DVL3: variants seen among roughly 807,000 people sequenced by gnomAD.
DVL3 encodes segment polarity protein dishevelled homolog DVL-3.
Under a neutral mutation model 67.4 loss-of-function variants are expected in DVL3, and 27 were observed. The ratio of observed to expected loss-of-function variants is 0.40; its 90% CI spans 0.30 to 0.55. DVL3 has a LOEUF of 0.55. Ranked by LOEUF, DVL3 falls within the 20% of genes least tolerant of loss-of-function variation. The pLI is 0.46. For missense variants in DVL3, 819 were observed against 1,021.5 expected (o/e 0.80, Z 2.70); for synonymous variants, 369 against 396.8 (o/e 0.93, Z 0.83).
Position 184,172,442 on chromosome 3 carries a change from A to G in DVL3, c.*1687A>G, listed in dbSNP as rs1714876954. The stretch of plus-strand genomic sequence containing the variant: ...ATTTTGGCATTTATTTCAATTAACA[A>G]TACTTCCTTGGACGGGTGCGGTGGC... On this transcript the variant is annotated 3_prime_UTR_variant, in exon 15 of 15. Transcript: ENST00000313143. 6.6e-6 allele frequency: 1 copy of G among 152,162 alleles called. No individual in the cohort carries two copies. The highest frequency in any genetic ancestry group is 1.5e-5 in the Non-Finnish European group (1 of 68,048). 9.4% of individuals were successfully genotyped at this position (152,162 alleles called of 1,614,324 possible).
intron 1 of DVL3, among the ~76,000 whole-genome samples, chr3:184,162,179 ATT>A (rs34375222): frequency 4.2e-5 from 6 of 144,004 alleles, no homozygotes; most frequent in Admixed American, 7.0e-5. Flanking sequence ...AATGACAGCA[ATT>A]TTTTTTTTTT....
At chr3:184,159,918 A>T (rs1404653399) in intron 1 of DVL3, among the ~76,000 whole-genome samples, 4 of 151,400 alleles carry the variant, frequency 2.6e-5, no homozygotes, top group African/African-American at 9.7e-5. Context: ...TTTTATTTTT[A>T]TTTTTTTATT....
intron 13 of DVL3, among the ~76,000 whole-genome samples, chr3:184,169,607 A>G (rs1204121292): frequency 1.3e-5 from 2 of 152,146 alleles, no homozygotes; most frequent in African/African-American, 4.8e-5. Flanking sequence ...AGAATCGCTT[A>G]AACCAGGGAG....
In DVL3 at chr3:184,163,107, G is replaced by A. The variant is rs1048672071; in HGVS notation, c.162-550G>A. 2.0e-5 allele frequency among the ~76,000 whole-genome samples: 3 copies of A among 152,010 alleles called. No homozygotes were observed. The highest frequency in any genetic ancestry group is 7.3e-5 in the African/African-American group (3 of 41,366). On this transcript the variant is annotated intron_variant, in intron 1 of 14. Coordinates refer to ENST00000313143, the MANE Select transcript of DVL3 (RefSeq NM_004423.4). This position sits in a 1 kb window ranked among gnomAD's most constrained non-coding sequence, Gnocchi z 4.5. The stretch of plus-strand genomic sequence containing the variant: ...TTGCCATGTTAGCCAGGCTGGTCTC[G>A]TACTCCTGACCTCAGGGTGATCTGC...
At chr3:184,158,572 G>A (rs187094460) in intron 1 of DVL3, among the ~76,000 whole-genome samples, 1 of 152,096 alleles carries the variant, frequency 6.6e-6, no homozygotes, top group Admixed American at 6.5e-5. Flanking sequence ...CCATTTCTCC[G>A]AGCCCCACAA....
chr3:184,170,887 C>A lies in DVL3; in HGVS notation c.*132C>A. On this transcript the variant is annotated 3_prime_UTR_variant, in exon 15 of 15. Coordinates refer to ENST00000313143, the MANE Select transcript of DVL3 (RefSeq NM_004423.4). The surrounding 1 kb of genome is among the most constrained non-coding windows in gnomAD (Gnocchi z 6.5). ...AAGGAACTAAATCCAGGTGCGCTAA[C>A]TGCTCGCAGGGTGCTGCGAGGGTGG... 6.5e-7 allele frequency: 1 copy of A among 1,548,596 alleles called. No homozygotes were observed. Among genetic ancestry groups the A allele is most frequent in the Non-Finnish European group, 8.7e-7 (1 of 1,146,662 alleles).
chr3:184,170,192 G>C lies in DVL3; in HGVS notation c.1685G>C (p.Gly562Ala). ...CCGGAGCTGGGCTACAGCTACGGCG[G>C]GGGCAGCGCCAGCAGTCAGCACAGC... is the stretch of plus-strand genomic sequence containing the variant. ...GFPELGYSYG[G>A]GSASSQHSEG... The change falls in exon 14 of 15, where the codon GGG (glycine) becomes GCG (alanine). Residue 562 changes from glycine (G) to alanine (A), a missense_variant. Around this residue, in one of 3 missense-constraint regions of DVL3, gnomAD observed 324 missense variants for 331.3 expected, o/e 0.98. Coordinates refer to ENST00000313143, the MANE Select transcript of DVL3 (RefSeq NM_004423.4). The surrounding 1 kb of genome is among the most constrained non-coding windows in gnomAD (Gnocchi z 6.5). 1.2e-6 allele frequency: 2 copies of C among 1,611,974 alleles called. No homozygotes were observed. The highest frequency in any genetic ancestry group is 8.5e-7 in the Non-Finnish European group (1 of 1,179,806).
In DVL3 at chr3:184,164,413, G is replaced by A; in HGVS notation, c.353+25G>A. On this transcript the variant is annotated intron_variant, in intron 3 of 14. Transcript: ENST00000313143. The surrounding 1 kb of genome is among the most constrained non-coding windows in gnomAD (Gnocchi z 5.3). ...AGTGAGTGTGACCTGAGGGTGGGGAGGGCCGCATCAGTTCAGCCCAGGGCT... is the reference window on the plus strand; with the variant it reads ...AGTGAGTGTGACCTGAGGGTGGGGAAGGCCGCATCAGTTCAGCCCAGGGCT... 6.2e-7 allele frequency: 1 copy of A among 1,611,078 alleles called. No individual in the cohort carries two copies. Among genetic ancestry groups the A allele is most frequent in the Non-Finnish European group, 8.5e-7 (1 of 1,178,344 alleles).
In DVL3 at chr3:184,173,602, A is replaced by G; in HGVS notation, c.*2847A>G. On this transcript the variant is annotated 3_prime_UTR_variant, in exon 15 of 15. Transcript: ENST00000313143. ...AGTAGGTGCTCAATAAATGGTAGCT[A>G]TTATTATTATTATTTTATCATTATT... is the stretch of plus-strand genomic sequence containing the variant. 6.6e-6 allele frequency: 1 copy of G among 152,020 alleles called. No homozygotes were observed. Among genetic ancestry groups the G allele is most frequent in the South Asian group, 2.1e-4 (1 of 4,810 alleles). 9.4% of individuals were successfully genotyped at this position (152,020 alleles called of 1,614,324 possible). A position where few individuals can be genotyped will look rare whatever the true frequency, so the allele number is the denominator to read the frequency against.
chr3:184,163,582 C>T lies in DVL3; in HGVS notation c.162-75C>T. 3.2e-6 allele frequency: 4 copies of T among 1,267,864 alleles called. No homozygotes were observed. Among genetic ancestry groups the T allele is most frequent in the Non-Finnish European group, 4.6e-6 (4 of 864,206 alleles). The allele number at this position is 1,267,864 out of a possible 1,614,324, so 78.5% of individuals were successfully genotyped here. ...GATTCCCAGTTTAGGATGGAGGAGCCCCTGAGAGTTGGGATTTGAGGATCC... is the reference window on the plus strand; with the variant it reads ...GATTCCCAGTTTAGGATGGAGGAGCTCCTGAGAGTTGGGATTTGAGGATCC... On this transcript the variant is annotated intron_variant, in intron 1 of 14. Coordinates refer to ENST00000313143, the MANE Select transcript of DVL3 (RefSeq NM_004423.4). This position sits in a 1 kb window ranked among gnomAD's most constrained non-coding sequence, Gnocchi z 4.5.
At chr3:184,159,490 A>G (rs1257793358) in intron 1 of DVL3, among the ~76,000 whole-genome samples, 2 of 103,198 alleles carry the variant, frequency 1.9e-5, no homozygotes, top group African/African-American at 7.5e-5. Context: ...CAGCCTCACA[A>G]ATAGCTGGGA....
At chr3:184,169,171 T>C (rs1714709503) in intron 13 of DVL3, among the ~76,000 whole-genome samples, 1 of 152,208 alleles carries the variant, frequency 6.6e-6, no homozygotes, top group African/African-American at 2.4e-5. Context: ...TTTACCTAAA[T>C]TTCCCAAACT....
intron 1 of DVL3, chr3:184,156,559 T>A (rs1200430844): frequency 2.3e-6 from 1 of 438,236 alleles, no homozygotes; most frequent in African/African-American, 2.0e-5. Context: ...TTTCTTGGTG[T>A]TCTCTATCTT....
intron 1 of DVL3, chr3:184,156,754 G>T (rs899820140): frequency 7.0e-6 from 2 of 286,702 alleles, no homozygotes; most frequent in East Asian, 1.9e-4. Flanking sequence ...CCAGGAGACT[G>T]GGGGAGGGGG....
At position 184,165,565 on chromosome 3, in the gene DVL3, G is replaced by A. The variant is rs188200131; in HGVS notation, c.763+74G>A. 24 of 1,327,928 alleles carry A rather than the reference G, an allele frequency of 1.8e-5. No homozygotes were observed. In the Admixed American group the frequency reaches 2.1e-4, roughly 11 times the overall value. The allele number at this position is 1,327,928 out of a possible 1,614,324, so 82.3% of individuals were successfully genotyped here. ...CTGGGCAGACTTGAGTTCAGAGAGC[G>A]TAGAATATGTTCCCTGCCCTCAAGG... On this transcript the variant is annotated intron_variant, in intron 7 of 14. Coordinates refer to ENST00000313143, the MANE Select transcript of DVL3 (RefSeq NM_004423.4). The surrounding 1 kb of genome is among the most constrained non-coding windows in gnomAD (Gnocchi z 4.1).
chr3:184,160,157 T>G (rs1324238992), intron 1 of DVL3, among the ~76,000 whole-genome samples: 1 of 151,166 alleles, frequency 6.6e-6, no homozygotes, highest in Admixed American at 6.6e-5. Flanking sequence ...TTTCACCGTA[T>G]TAGCCAGGAT....
At chr3:184,162,492 A>G (rs145201847) in intron 1 of DVL3, among the ~76,000 whole-genome samples, 1 of 151,758 alleles carries the variant, frequency 6.6e-6, no homozygotes, top group East Asian at 1.9e-4. Context: ...ATTACTGTTA[A>G]TTATCATAAT....
rs1577049270 is a variant in DVL3, at chr3:184,165,584, C to T, written c.763+93C>T. On this transcript the variant is annotated intron_variant, in intron 7 of 14. Coordinates refer to ENST00000313143, the MANE Select transcript of DVL3 (RefSeq NM_004423.4). This position sits in a 1 kb window ranked among gnomAD's most constrained non-coding sequence, Gnocchi z 4.1. ...GAGAGCGTAGAATATGTTCCCTGCC[C>T]TCAAGGAGCTCTCTTTCGTAAACAT... 9.2e-7 allele frequency: 1 copy of T among 1,085,074 alleles called. No homozygotes were observed. Among genetic ancestry groups the T allele is most frequent in the African/African-American group, 1.6e-5 (1 of 64,478 alleles). 67.2% of individuals were successfully genotyped at this position (1,085,074 alleles called of 1,614,324 possible).
Position 184,171,260 on chromosome 3 carries a change from G to C in DVL3, c.*505G>C, listed in dbSNP as rs1714827199. On this transcript the variant is annotated 3_prime_UTR_variant, in exon 15 of 15. Coordinates refer to ENST00000313143, the MANE Select transcript of DVL3 (RefSeq NM_004423.4). ...AAACCAAAATATATTTGCTTCATCTGCCCCTACTAACCATCCCCCTGCCTG... is the reference window on the plus strand; with the variant it reads ...AAACCAAAATATATTTGCTTCATCTCCCCCTACTAACCATCCCCCTGCCTG... 7 of 1,049,726 alleles carry C rather than the reference G, an allele frequency of 6.7e-6. No homozygotes were observed. The highest frequency in any genetic ancestry group is 6.9e-6 in the Non-Finnish European group (6 of 870,290). The allele number at this position is 1,049,726 out of a possible 1,614,324, so 65.0% of individuals were successfully genotyped here. A position where few individuals can be genotyped will look rare whatever the true frequency, so the allele number is the denominator to read the frequency against.
Sources: gnomAD v4.1 joint callset for allele counts (sites outside exome capture counted in the v4.1 genomes callset) on GRCh38, gnomAD v4.1.1 for gene constraint, gnomAD v4.1.1 regional missense constraint, Gnocchi (gnomAD v3.1) non-coding constraint, MANE v1.5 for transcripts, NCBI Gene and HGNC (gene_info 2026-07-23, HGNC 2026-07-21) for gene names.